Variants in FGL1 observed in about 807,000 individuals in gnomAD.
FGL1 encodes fibrinogen-like protein 1.
Under a neutral mutation model 43.7 loss-of-function variants are expected in FGL1, and 59 were observed. The ratio of observed to expected loss-of-function variants is 1.35; its 90% CI spans 1.10 to 1.68. FGL1 has a LOEUF of 1.68. FGL1 is among the 40% of genes most tolerant of loss of function. The pLI is 0.00. For missense variants in FGL1, 596 were observed against 373.0 expected (o/e 1.60, Z -4.92); for synonymous variants, 192 against 126.5 (o/e 1.52, Z -3.48).
intron 5 of FGL1, among the ~76,000 whole-genome samples, chr8:17,870,478 G>C (rs906868036): frequency 2.0e-5 from 3 of 152,114 alleles, no homozygotes; most frequent in African/African-American, 4.8e-5. Flanking sequence ...AGAATTTAGA[G>C]CCTCACTTTC....
In FGL1 at chr8:17,879,570, T is replaced by C. The variant is rs551901728; in HGVS notation, c.244+2429A>G. 2.1e-4 allele frequency among the ~76,000 whole-genome samples: 32 copies of C among 152,174 alleles called. No individual in the cohort carries two copies. In the South Asian group the frequency reaches 6.4e-3, roughly 31 times the overall value. On this transcript the variant is annotated intron_variant, in intron 3 of 7. Coordinates refer to ENST00000427924, the MANE Select transcript of FGL1 (RefSeq NM_004467.4). ...TCATGAGATCTGGTTTTTGAAACAGTGTCGCACCTCCTCCCTCTCTTTCTC... is the reference window on the plus strand; with the variant it reads ...TCATGAGATCTGGTTTTTGAAACAGCGTCGCACCTCCTCCCTCTCTTTCTC...
intron 7 of FGL1, among the ~76,000 whole-genome samples, chr8:17,868,085 T>C (rs1036076883): frequency 6.6e-6 from 1 of 152,194 alleles, no homozygotes; most frequent in South Asian, 2.1e-4. Context: ...AATTTCTGTA[T>C]TGGGAGAGGC....
intron 7 of FGL1, among the ~76,000 whole-genome samples, chr8:17,866,672 C>T (rs372037342): frequency 2.0e-5 from 3 of 152,150 alleles, no homozygotes; most frequent in Admixed American, 6.5e-5. Context: ...TCAGGTAAAT[C>T]GTTCCTTTGC....
Position 17,885,567 on chromosome 8 carries a change from A to G in FGL1, c.-13T>C. On this transcript the variant is annotated 5_prime_UTR_variant, in exon 2 of 8. Coordinates refer to ENST00000427924, the MANE Select transcript of FGL1 (RefSeq NM_004467.4). ...ACACCTTTGCCATGTTCCCCCTTGAAAAAACTGCAAGAACAAAAAGAATTT... is the reference window on the plus strand; with the variant it reads ...ACACCTTTGCCATGTTCCCCCTTGAGAAAACTGCAAGAACAAAAAGAATTT... 6.2e-7 allele frequency: 1 copy of G among 1,612,970 alleles called. No homozygotes were observed. The highest frequency in any genetic ancestry group is 2.2e-5 in the East Asian group (1 of 44,852).
At chr8:17,883,582 T>C (rs1237282317) in intron 2 of FGL1, among the ~76,000 whole-genome samples, 1 of 136,262 alleles carries the variant, frequency 7.3e-6, no homozygotes, top group Non-Finnish European at 1.5e-5. Context: ...TTATACATAA[T>C]ATACGTATAT....
chr8:17,887,160 C>G (rs1274667271), intron 1 of FGL1, among the ~76,000 whole-genome samples: 2 of 152,238 alleles, frequency 1.3e-5, no homozygotes, highest in Admixed American at 1.3e-4. Context: ...GCAACCGGCT[C>G]TACACTCTTC....
At chr8:17,892,951 G>C (rs2053725899) in intron 1 of FGL1, among the ~76,000 whole-genome samples, 1 of 152,208 alleles carries the variant, frequency 6.6e-6, no homozygotes, top group Non-Finnish European at 1.5e-5. Context: ...TGTAATCCCA[G>C]CACGTTGAGA....
At chr8:17,888,874 G>C (rs1054224678) in intron 1 of FGL1, among the ~76,000 whole-genome samples, 1 of 152,186 alleles carries the variant, frequency 6.6e-6, no homozygotes, top group Non-Finnish European at 1.5e-5. Flanking sequence ...CGTAGGTAAA[G>C]TTTTAAAAAT....
chr8:17,882,646 T>A (rs1385489740), intron 2 of FGL1: 1 of 148,538 alleles, frequency 6.7e-6, no homozygotes, highest in Admixed American at 7.0e-5. Flanking sequence ...CCATAATAAA[T>A]GAGGTTTTTG....
chr8:17,876,676 T>C (rs1467024605), intron 3 of FGL1, among the ~76,000 whole-genome samples: 3 of 152,174 alleles, frequency 2.0e-5, no homozygotes, highest in Non-Finnish European at 4.4e-5. Context: ...TTAGCCCTAT[T>C]TGGAAAGAAG....
chr8:17,864,700 A>C lies in FGL1; in HGVS notation c.831T>G (p.Ala277=), dbSNP rs764719215. The C allele has an allele frequency of 6.2e-7, 1 of 1,613,410 alleles. No homozygotes were observed. Among genetic ancestry groups the C allele is most frequent in the Non-Finnish European group, 8.5e-7 (1 of 1,179,808 alleles). ...NGVYYSGPYT[A]KTDNGIVWYT... is the part of the protein sequence containing the mutation. ...ACCAGACAATCCCATTGTCTGTTTT[A>C]GCCGTGTAGGGGCCGCTGTAGTATA... Residue 277 remains alanine, a synonymous_variant, in exon 8 of 8, where the codon GCT becomes GCG. Transcript: ENST00000427924.
At chr8:17,876,655 G>C (rs2053460278) in intron 3 of FGL1, among the ~76,000 whole-genome samples, 1 of 152,130 alleles carries the variant, frequency 6.6e-6, no homozygotes, top group South Asian at 2.1e-4. Flanking sequence ...TTTTATTAAA[G>C]TAAGCAGATT....
chr8:17,889,290 C>T (rs1401181265), intron 1 of FGL1, among the ~76,000 whole-genome samples: 1 of 152,212 alleles, frequency 6.6e-6, no homozygotes, highest in East Asian at 1.9e-4. Context: ...TGGCTTACGC[C>T]TGTAATCTCA....
Position 17,868,580 on chromosome 8 carries a change from T to C in FGL1, c.747A>G (p.Ala249=). 1 of 1,613,276 alleles carries C rather than the reference T, an allele frequency of 6.2e-7. No homozygotes were observed. The highest frequency in any genetic ancestry group is 8.5e-7 in the Non-Finnish European group (1 of 1,179,720). The part of the protein sequence containing the change: ...RDHDNYEGNC[A]EEDQSGWWFN... ...ACCACCAGCCAGACTGATCTTCTTC[T>C]GCGCAGTTCCCTTCATAGTTGTCAT... The change falls in exon 7 of 8, where the codon GCA becomes GCG. Residue 249 remains alanine (A), a synonymous_variant. Coordinates refer to ENST00000427924, the MANE Select transcript of FGL1 (RefSeq NM_004467.4).
In FGL1 at chr8:17,873,163, T is replaced by C. The variant is rs539148293; in HGVS notation, c.502+856A>G. Among the ~76,000 whole-genome samples the C allele has an allele frequency of 2.4e-4, 36 of 152,304 alleles. 3 individuals are homozygous for C. In the South Asian group the frequency reaches 7.2e-3, roughly 31 times the overall value. ...TAATATGTCTTCATAGCTCCTCCTA[T>C]TGTTTACTTCCTTTTAAAAAAAAGT... is the stretch of plus-strand genomic sequence containing the variant. On this transcript the variant is annotated intron_variant, in intron 5 of 7. Coordinates refer to ENST00000427924, the MANE Select transcript of FGL1 (RefSeq NM_004467.4).
chr8:17,880,498 G>C (rs562994426), intron 3 of FGL1, among the ~76,000 whole-genome samples: 2 of 152,108 alleles, frequency 1.3e-5, no homozygotes, highest in African/African-American at 4.8e-5. Flanking sequence ...ATAGGTGTCC[G>C]AATTTATATT....
chr8:17,873,378 T>C (rs1585131794), intron 5 of FGL1, among the ~76,000 whole-genome samples: 1 of 152,162 alleles, frequency 6.6e-6, no homozygotes, highest in East Asian at 1.9e-4. Context: ...AATCCTTCCA[T>C]CCCAGAGCAG....
intron 3 of FGL1, among the ~76,000 whole-genome samples, chr8:17,877,237 T>G (rs1027227004): frequency 6.6e-6 from 1 of 152,100 alleles, no homozygotes; most frequent in African/African-American, 2.4e-5. Flanking sequence ...GGAGTTTTTT[T>G]TTTAAAAAAG....
At chr8:17,869,405 G>A (rs568604849) in intron 5 of FGL1, among the ~76,000 whole-genome samples, 1 of 152,112 alleles carries the variant, frequency 6.6e-6, no homozygotes, top group Non-Finnish European at 1.5e-5. Context: ...ATAAATGGTG[G>A]CTATTAATGA....
Sources: gnomAD v4.1 joint callset for allele counts (sites outside exome capture counted in the v4.1 genomes callset) on GRCh38, gnomAD v4.1.1 for gene constraint, MANE v1.5 for transcripts, NCBI Gene and HGNC (gene_info 2026-07-23, HGNC 2026-07-21) for gene names.